VOPP1: variants seen among roughly 807,000 people sequenced by gnomAD.
The protein encoded by VOPP1 is WW domain binding protein VOPP1.
Under a neutral mutation model 23.5 loss-of-function variants are expected in VOPP1, and 8 were observed. That is an observed-to-expected ratio of 0.34 (90% CI 0.20 to 0.61). The LOEUF (loss-of-function observed/expected upper bound fraction) is 0.61, where lower values mean the gene tolerates loss of function less well. VOPP1 is among the 20% of genes least tolerant of loss of function. VOPP1 has a pLI of 0.78. For synonymous variants in VOPP1, 83 were observed against 97.3 expected, an observed-to-expected ratio of 0.85 and a Z score of 0.86; for missense variants, 174 against 238.1, an observed-to-expected ratio of 0.73 and a Z score of 1.77.
intron 1 of VOPP1, among the ~76,000 whole-genome samples, chr7:55,545,856 C>T (rs2129052239): frequency 6.6e-6 from 1 of 152,054 alleles, no homozygotes; most frequent in East Asian, 1.9e-4. Context: ...ATCCCTTGAG[C>T]CCAGGAGTTT....
At chr7:55,500,051 C>T (rs1039140825) in intron 2 of VOPP1, among the ~76,000 whole-genome samples, 6 of 152,076 alleles carry the variant, frequency 3.9e-5, no homozygotes, top group African/African-American at 9.7e-5. Flanking sequence ...GAGGTGGGAC[C>T]GTTTCCTCTC....
At chr7:55,465,331 T>C (rs1256294960) in intron 4 of VOPP1, among the ~76,000 whole-genome samples, 3 of 152,236 alleles carry the variant, frequency 2.0e-5, no homozygotes, top group Non-Finnish European at 1.5e-5. Context: ...CTTCTATCTC[T>C]GATTGGCTCA....
intron 4 of VOPP1, among the ~76,000 whole-genome samples, chr7:55,478,131 C>T (rs565413222): frequency 6.6e-6 from 1 of 152,336 alleles, no homozygotes; most frequent in African/African-American, 2.4e-5. Flanking sequence ...TCATTCTCTG[C>T]ATGAAGCCTG....
intron 1 of VOPP1, among the ~76,000 whole-genome samples, chr7:55,525,020 A>G (rs1796086280): frequency 6.6e-6 from 1 of 152,074 alleles, no homozygotes; most frequent in Non-Finnish European, 1.5e-5. Flanking sequence ...AGCAAGCGGG[A>G]AGAGGCAGAA....
chr7:55,507,842 G>A (rs1794832174), intron 2 of VOPP1, among the ~76,000 whole-genome samples: 1 of 152,130 alleles, frequency 6.6e-6, no homozygotes, highest in East Asian at 1.9e-4. Context: ...ATCCCATGGC[G>A]AAGTCAAACA....
At chr7:55,436,564 T>A (rs1261635702) in intron 4 of VOPP1, among the ~76,000 whole-genome samples, 1 of 151,970 alleles carries the variant, frequency 6.6e-6, no homozygotes, top group Non-Finnish European at 1.5e-5. Context: ...GTGTCAGTCC[T>A]CTGCTTGGCA....
chr7:55,505,647 AAGGAAGGGAGGG>A lies in VOPP1; in HGVS notation c.114-7969_114-7958del, dbSNP rs1160085437. Among the ~76,000 whole-genome samples the A allele has an allele frequency of 2.8e-3, 294 of 105,596 alleles. 4 individuals are homozygous for A. The highest frequency in any genetic ancestry group is 0.011 in the African/African-American group (267 of 25,024). 69.3% of individuals were successfully genotyped at this position (105,596 alleles called of 152,430 possible). ...GAAGGAAAGAAGGAAAAAAGGAAGG[AAGGAAGGGAGGG>A]AGGGAGGGAGGGAGGGAGGGAGGGA... is the stretch of plus-strand genomic sequence containing the variant. On this transcript the variant is annotated intron_variant, in intron 2 of 4. Coordinates refer to ENST00000285279, the MANE Select transcript of VOPP1 (RefSeq NM_030796.5).
intron 4 of VOPP1, among the ~76,000 whole-genome samples, chr7:55,484,353 C>T (rs1010365294): frequency 5.9e-5 from 9 of 152,326 alleles, no homozygotes; most frequent in Admixed American, 5.9e-4. Context: ...CCTTCCACCC[C>T]CTTGCCAGTC....
At chr7:55,538,635 T>C (rs764514282) in intron 1 of VOPP1, 12 of 1,535,926 alleles carry the variant, frequency 7.8e-6, no homozygotes, top group Non-Finnish European at 9.6e-6. Flanking sequence ...AGAAGACAGA[T>C]ACCCAAGAGT....
At chr7:55,498,370 C>G (rs566754408) in intron 2 of VOPP1, among the ~76,000 whole-genome samples, 7 of 152,212 alleles carry the variant, frequency 4.6e-5, no homozygotes, top group Non-Finnish European at 1.0e-4. Flanking sequence ...GTTTCCGGGC[C>G]CCTGGCAGGC....
chr7:55,521,183 T>C, intron 1 of VOPP1, 53 bp from the exon 2 acceptor site: 1 of 1,516,138 alleles, frequency 6.6e-7, no homozygotes, highest in East Asian at 2.4e-5. Flanking sequence ...CTGCATGTTG[T>C]TGAGAAGCTC....
chr7:55,458,470 AT>A (rs1268220139), intron 4 of VOPP1, among the ~76,000 whole-genome samples: 3 of 152,140 alleles, frequency 2.0e-5, no homozygotes, highest in Non-Finnish European at 1.5e-5. Flanking sequence ...TGACAATAGT[AT>A]TTTGATAGAG....
In VOPP1 at chr7:55,492,404, A is replaced by G. The variant is rs1793643983; in HGVS notation, c.206T>C (p.Met69Thr). Residue 69 changes from methionine to threonine, a missense_variant, in exon 4 of 5, where the codon ATG becomes ACG. Coordinates refer to ENST00000285279, the MANE Select transcript of VOPP1 (RefSeq NM_030796.5). ...RLWYFWFLLM[M>T]GVLFCCGAGF... The stretch of plus-strand genomic sequence containing the variant: ...GGCTCCGCAGCAGAAAAGCACGCCC[A>G]TCATCAGAAGGAACCTGAGGAGAGT... The G allele has an allele frequency of 6.2e-7, 1 of 1,611,310 alleles. No individual in the cohort carries two copies. Among genetic ancestry groups the G allele is most frequent in the East Asian group, 2.2e-5 (1 of 44,820 alleles).
downstream of VOPP1, among the ~76,000 whole-genome samples, chr7:55,466,150 T>C (rs1791626140): frequency 6.6e-6 from 1 of 152,202 alleles, no homozygotes; most frequent in Admixed American, 6.5e-5. Context: ...CCGAACCTAC[T>C]GCATTCCTGA....
In VOPP1 at chr7:55,470,930, A is replaced by C. The variant is rs1044111307; in HGVS notation, c.*1925T>G. The C allele has an allele frequency of 2.8e-4, 42 of 152,468 alleles. No individual in the cohort carries two copies. The highest frequency in any genetic ancestry group is 9.9e-4 in the African/African-American group (41 of 41,556). The allele number at this position is 152,468 out of a possible 1,614,324, so 9.4% of individuals were successfully genotyped here. On this transcript the variant is annotated 3_prime_UTR_variant, in exon 5 of 5. Coordinates refer to ENST00000285279, the MANE Select transcript of VOPP1 (RefSeq NM_030796.5). Reference sequence around the variant, plus strand: ...CAAGGGAAAACAAACTCTGTCTCACACAAACATGGGAATACAAAATTGTTG... The same window carrying C: ...CAAGGGAAAACAAACTCTGTCTCACCCAAACATGGGAATACAAAATTGTTG...
chr7:55,474,054 T>C (rs534437678), intron 4 of VOPP1, among the ~76,000 whole-genome samples: 29 of 152,322 alleles, frequency 1.9e-4, no homozygotes, highest in African/African-American at 7.0e-4. Context: ...AAGGAGAGCA[T>C]GTAGAACAGA....
intron 3 of VOPP1, among the ~76,000 whole-genome samples, chr7:55,495,363 GA>G (rs1402075143): frequency 2.6e-5 from 4 of 152,178 alleles, no homozygotes; most frequent in Non-Finnish European, 5.9e-5. Context: ...ATGGTCAGGA[GA>G]CACCTTCAAA....
At chr7:55,487,212 C>T (rs1793208808) in intron 4 of VOPP1, among the ~76,000 whole-genome samples, 1 of 152,154 alleles carries the variant, frequency 6.6e-6, no homozygotes, top group Non-Finnish European at 1.5e-5. Context: ...TGCAGGCTGA[C>T]AGACTTATTA....
At chr7:55,440,511 C>T (rs535532930) in intron 4 of VOPP1, among the ~76,000 whole-genome samples, 3 of 152,382 alleles carry the variant, frequency 2.0e-5, no homozygotes, top group South Asian at 2.1e-4. Context: ...TCTGGGGCCA[C>T]GCTTCCAGTG....
Sources: allele counts gnomAD v4.1 joint callset (sites outside exome capture counted in the v4.1 genomes callset), GRCh38; gene constraint gnomAD v4.1.1; transcripts MANE v1.5; gene names NCBI Gene and HGNC (gene_info 2026-07-23, HGNC 2026-07-21).